Variants in DLC1 observed in about 807,000 individuals in gnomAD.
DLC1 encodes the protein DLC1 Rho GTPase activating protein.
In DLC1, 54 loss-of-function variants were observed where a neutral mutation model predicts 140.3. The observed-to-expected ratio is 0.38, with a 90% confidence interval of 0.31 to 0.48. DLC1 has a LOEUF of 0.48. Among genes scored for constraint, DLC1 ranks in the 20% least tolerant of loss-of-function variants. DLC1 has a pLI of 0.96. For missense variants in DLC1, 2,536 were observed against 1,907.0 expected (o/e 1.33, Z -6.14); for synonymous variants, 986 against 728.1 (o/e 1.35, Z -5.70).
intron 2 of DLC1, among the ~76,000 whole-genome samples, chr8:13,443,576 A>G (rs1284351435): frequency 1.3e-5 from 2 of 150,366 alleles, no homozygotes; most frequent in Non-Finnish European, 3.0e-5. Context: ...GGAGAATGGC[A>G]TGAACCCAGA....
intron 1 of DLC1, among the ~76,000 whole-genome samples, chr8:13,557,109 T>C (rs551501867): frequency 5.9e-5 from 9 of 152,324 alleles, no homozygotes; most frequent in Admixed American, 2.6e-4. Flanking sequence ...CTCTGAATGT[T>C]ATTCTATTTC....
intron 5 of DLC1, among the ~76,000 whole-genome samples, chr8:13,148,671 T>C (rs1165313238): frequency 1.3e-5 from 2 of 152,166 alleles, no homozygotes; most frequent in African/African-American, 4.8e-5. Context: ...TTTGTTGTTG[T>C]TGTTGTTTTC....
chr8:13,552,901 A>T (rs1299611342), intron 1 of DLC1, among the ~76,000 whole-genome samples: 1 of 151,894 alleles, frequency 6.6e-6, no homozygotes, highest in Non-Finnish European at 1.5e-5. Flanking sequence ...TATGTATTTC[A>T]CAATGAAGCT....
Position 13,084,162 on chromosome 8 carries a change from G to A in DLC1, c.*1649C>T, listed in dbSNP as rs886297447. The A allele has an allele frequency of 1.3e-5, 2 of 152,576 alleles. No homozygotes were observed. Among genetic ancestry groups the A allele is most frequent in the Non-Finnish European group, 2.9e-5 (2 of 68,030 alleles). The allele number at this position is 152,576 out of a possible 1,614,324, so 9.5% of individuals were successfully genotyped here. ...TGCTTTATCTATGTTTGAAAGCACA[G>A]TGGACATGTTTCTTAATAGAATGGT... On this transcript the variant is annotated 3_prime_UTR_variant, in exon 18 of 18. Transcript: ENST00000276297.
intron 5 of DLC1, among the ~76,000 whole-genome samples, chr8:13,229,511 A>G (rs1329281253): frequency 1.3e-5 from 2 of 152,132 alleles, no homozygotes; most frequent in African/African-American, 4.8e-5. Flanking sequence ...AAATGTCCTA[A>G]AATTACACAA....
chr8:13,510,029 T>C (rs1802282504), intron 1 of DLC1, among the ~76,000 whole-genome samples: 1 of 152,174 alleles, frequency 6.6e-6, no homozygotes, highest in South Asian at 2.1e-4. Context: ...ATGGTGATGA[T>C]GACTCCTTTA....
chr8:13,228,774 C>T (rs532609964), intron 5 of DLC1, among the ~76,000 whole-genome samples: 22 of 152,118 alleles, frequency 1.4e-4, no homozygotes, highest in South Asian at 4.2e-4. Context: ...ACAAAGGATC[C>T]GGATAGACAT....
intron 5 of DLC1, among the ~76,000 whole-genome samples, chr8:13,179,271 T>G (rs1221904130): frequency 1.6e-4 from 21 of 130,408 alleles, no homozygotes; most frequent in Admixed American, 3.3e-4. Context: ...GACTGGGAGG[T>G]GGGGGGTGGG....
chr8:13,116,130 T>C, intron 5 of DLC1: 5 of 987,036 alleles, frequency 5.1e-6, no homozygotes, highest in Non-Finnish European at 6.0e-6. Context: ...GGTTGGGTGT[T>C]TCAAAAGCCC....
At chr8:13,281,302 G>A (rs990609393) in intron 5 of DLC1, among the ~76,000 whole-genome samples, 2 of 152,190 alleles carry the variant, frequency 1.3e-5, no homozygotes, top group African/African-American at 2.4e-5. Flanking sequence ...TCTATGAAAT[G>A]TTCTTGACCA....
chr8:13,242,225 C>T (rs1829572192), intron 5 of DLC1, among the ~76,000 whole-genome samples: 1 of 152,038 alleles, frequency 6.6e-6, no homozygotes. Flanking sequence ...GGCATCTTTC[C>T]TAGAGCATCA....
chr8:13,517,645 C>A (rs375272995), upstream of DLC1, among the ~76,000 whole-genome samples: 15 of 152,270 alleles, frequency 9.9e-5, no homozygotes, highest in African/African-American at 3.4e-4. Context: ...TTGTCCCCTT[C>A]TTTCTACTTG....
chr8:13,163,502 C>T (rs117312903), intron 5 of DLC1, among the ~76,000 whole-genome samples: 1,747 of 152,128 alleles, frequency 0.011, 18 homozygotes, highest in South Asian at 0.04. Context: ...GGCAGCTCAA[C>T]GAAGTGCCTG....
chr8:13,479,174 G>C (rs1456392748), intron 2 of DLC1, among the ~76,000 whole-genome samples: 1 of 152,182 alleles, frequency 6.6e-6, no homozygotes, highest in Non-Finnish European at 1.5e-5. Flanking sequence ...CTGGAAGAGT[G>C]CTCAGTACAT....
chr8:13,200,916 G>A (rs1248166366), intron 5 of DLC1, among the ~76,000 whole-genome samples: 2 of 152,064 alleles, frequency 1.3e-5, no homozygotes, highest in African/African-American at 2.4e-5. Flanking sequence ...TTGATTTTAC[G>A]CATATTATAG....
chr8:13,183,081 A>C (rs926505916), intron 5 of DLC1, among the ~76,000 whole-genome samples: 2 of 152,154 alleles, frequency 1.3e-5, no homozygotes, highest in East Asian at 1.9e-4. Flanking sequence ...CTTTGTAGCA[A>C]TTGTGAATGA....
At chr8:13,247,402 T>G (rs886511486) in intron 5 of DLC1, among the ~76,000 whole-genome samples, 2 of 152,228 alleles carry the variant, frequency 1.3e-5, no homozygotes, top group Non-Finnish European at 2.9e-5. Flanking sequence ...TTATGGTAGT[T>G]GTTAACAATT....
intron 5 of DLC1, among the ~76,000 whole-genome samples, chr8:13,219,547 T>G (rs1828440427): frequency 6.6e-6 from 1 of 151,100 alleles, no homozygotes; most frequent in Non-Finnish European, 1.5e-5. Context: ...TTTATATTTA[T>G]ACATCTAAAT....
At chr8:13,519,078 G>A (rs1336366227), upstream of DLC1, among the ~76,000 whole-genome samples, 2 of 151,892 alleles carry the variant, frequency 1.3e-5, no homozygotes, top group African/African-American at 4.8e-5. Flanking sequence ...TGCCATGTTG[G>A]TGTGCTGCCC....
Sources: gnomAD v4.1 joint callset for allele counts (sites outside exome capture counted in the v4.1 genomes callset) on GRCh38, gnomAD v4.1.1 for gene constraint, MANE v1.5 for transcripts, NCBI Gene and HGNC (gene_info 2026-07-23, HGNC 2026-07-21) for gene names.